Variants in SIM1 observed in about 807,000 individuals in gnomAD.
SIM1 encodes the protein single-minded homolog 1.
A neutral mutation model predicts 78.2 loss-of-function variants in SIM1; 18 were observed. That is an observed-to-expected ratio of 0.23 (90% CI 0.16 to 0.34). The LOEUF (loss-of-function observed/expected upper bound fraction) is 0.34. SIM1 is among the 10% of genes least tolerant of loss of function. The pLI is 1.00. For missense variants in SIM1, 939 were observed against 975.1 expected, an observed-to-expected ratio of 0.96 and a Z score of 0.49; for synonymous variants, 417 against 385.2, an observed-to-expected ratio of 1.08 and a Z score of -0.97.
chr6:100,415,120 C>T (rs749775127), intron 10 of SIM1, among the ~76,000 whole-genome samples: 4 of 152,236 alleles, frequency 2.6e-5, no homozygotes, highest in Middle Eastern at 3.4e-3. Context: ...CAGGATGGCA[C>T]GCACTTTCTG....
chr6:100,462,454 A>AT (rs1425227506), intron 2 of SIM1: 4 of 152,264 alleles, frequency 2.6e-5, no homozygotes, highest in Admixed American at 1.3e-4. Flanking sequence ...ACAGTGTTCT[A>AT]TGAAAGCTGC....
At chr6:100,453,681 C>G in intron 3 of SIM1, 81 bp downstream of exon 3, 8 of 898,152 alleles carry the variant, frequency 8.9e-6, no homozygotes, top group East Asian at 3.0e-5. Context: ...TTTTTGTTTT[C>G]TGAGAAACTA....
At position 100,453,844 on chromosome 6, in the gene SIM1, C is replaced by A; in HGVS notation, c.176G>T (p.Gly59Val). ...YLKMRVVFPE[G>V]LGEAWGHSSR... ...TGAGTGGCCCCACGCCTCGCCGAGC[C>A]CTGTGGAGACACAGAAGCATCCTGT... The change falls in exon 3 of 12, where the codon GGG (glycine) becomes GTG (valine). Residue 59 changes from glycine (G) to valine (V), a missense_variant and splice_region_variant. Around this residue, in one of 5 missense-constraint regions of SIM1, gnomAD observed 121 missense variants for 124.6 expected, o/e 0.97. Transcript: ENST00000369208. 1 of 1,609,046 alleles carries A rather than the reference C, an allele frequency of 6.2e-7. No homozygotes were observed. Among genetic ancestry groups the A allele is most frequent in the Non-Finnish European group, 8.5e-7 (1 of 1,177,910 alleles).
chr6:100,456,652 A>G (rs1224637246), intron 2 of SIM1, among the ~76,000 whole-genome samples: 3 of 152,238 alleles, frequency 2.0e-5, no homozygotes, highest in Non-Finnish European at 4.4e-5. Context: ...CATTAACCTT[A>G]GCTGATAAAT....
intron 2 of SIM1, among the ~76,000 whole-genome samples, chr6:100,455,917 T>C (rs1562258543): frequency 6.6e-6 from 1 of 152,202 alleles, no homozygotes; most frequent in Non-Finnish European, 1.5e-5. Flanking sequence ...GGCGCCAGCC[T>C]AGGCCATTTG....
chr6:100,440,195 C>T (rs910483418), intron 9 of SIM1, among the ~76,000 whole-genome samples: 3 of 152,142 alleles, frequency 2.0e-5, no homozygotes, highest in African/African-American at 4.8e-5. Context: ...ATTTAATCCT[C>T]CATAAATCCC....
rs866099531 is a variant in SIM1 at position 100,412,558 on chromosome 6, A to G, written c.1167+8232T>C. ...TCTAAGAAAGAAAGAAAGAAAGAAA[A>G]GAAAGAAAGAAAGAAAGAAAGAAAG... On this transcript the variant is annotated intron_variant, in intron 10 of 11. Coordinates refer to ENST00000369208, the MANE Select transcript of SIM1 (RefSeq NM_005068.3). Among the ~76,000 whole-genome samples, 13 of 27,408 alleles carry G rather than the reference A, an allele frequency of 4.7e-4. 3 individuals carry two copies. The highest frequency in any genetic ancestry group is 3.0e-3 in the East Asian group (2 of 658). The allele number at this position is 27,408 out of a possible 152,430, so 18.0% of individuals were successfully genotyped here.
chr6:100,458,013 TCTCTCTCTCTCTCTCTCTCTCTCTCTC>T (rs1772722347), intron 2 of SIM1, among the ~76,000 whole-genome samples: 2 of 12,408 alleles, frequency 1.6e-4, no homozygotes, highest in East Asian at 9.0e-4. Flanking sequence ...TCTTTCTCTC[TCTCTCTCTCTCTCTCTCTCTCTCTCTC>T]TCTCTCTCTC....
chr6:100,450,486 A>C (rs1311544018), intron 3 of SIM1, 130 bp from the exon 4 acceptor site: 5 of 747,494 alleles, frequency 6.7e-6, no homozygotes, highest in Non-Finnish European at 1.1e-5. Context: ...TTGGCAGGAA[A>C]CAGGGCATAG....
chr6:100,434,772 C>G (rs1195042422), intron 9 of SIM1, among the ~76,000 whole-genome samples: 1 of 152,142 alleles, frequency 6.6e-6, no homozygotes, highest in Non-Finnish European at 1.5e-5. Flanking sequence ...TTAATGGGTA[C>G]CATTATGATA....
Position 100,393,608 on chromosome 6 carries a change from C to T in SIM1, c.1449G>A (p.Gln483=), listed in dbSNP as rs781034411. The part of the protein sequence containing the change: ...EAGRYFLGTP[Q]AGREPWWGSR... ...AGCCCCACCAGGGCTCCCTCCCGGC[C>T]TGCGGCGTTCCCAGGAAGTACCTGC... The change falls in exon 11 of 12, where the codon CAG becomes CAA. Residue 483 remains glutamine, a synonymous_variant. Transcript: ENST00000369208. The T allele has an allele frequency of 6.8e-6, 11 of 1,614,136 alleles. No individual in the cohort carries two copies. The East Asian group carries it at 8.9e-5, about 13-fold the overall frequency.
intron 10 of SIM1, among the ~76,000 whole-genome samples, chr6:100,418,393 A>AAATAAATAAAATT (rs1771467584): frequency 1.3e-5 from 2 of 151,650 alleles, no homozygotes; most frequent in African/African-American, 4.8e-5. Flanking sequence ...TAAATAAAAT[A>AAATAAATAAAATT]AAAAATTAAA....
intron 8 of SIM1, 140 bp from the exon 9 acceptor site, chr6:100,447,555 G>A: frequency 2.2e-6 from 2 of 925,628 alleles, no homozygotes; most frequent in South Asian, 1.6e-5. Context: ...AGAGACGACA[G>A]GCAAATTCCC....
intron 10 of SIM1, 43 bp from the exon 11 acceptor site, chr6:100,393,932 C>T (rs1228661036): frequency 1.3e-6 from 2 of 1,508,204 alleles, no homozygotes; most frequent in South Asian, 1.3e-5. Context: ...AAAAATCAAT[C>T]GATCAGTAAG....
intron 10 of SIM1, among the ~76,000 whole-genome samples, chr6:100,396,392 T>C (rs3798514): frequency 0.12 from 17,709 of 152,002 alleles, 1,047 homozygotes; most frequent in Middle Eastern, 0.18. Flanking sequence ...TATGGGAAAG[T>C]GCTATTGGCG....
intron 9 of SIM1, among the ~76,000 whole-genome samples, chr6:100,440,362 AT>A (rs1772176747): frequency 6.6e-6 from 1 of 152,150 alleles, no homozygotes; most frequent in Admixed American, 6.5e-5. Flanking sequence ...TGTTTCACAG[AT>A]TGCTTGGAAA....
rs1770599085 is a variant in SIM1, at chr6:100,390,095, G to T, written c.*266C>A. 1 of 511,050 alleles carries T rather than the reference G, an allele frequency of 2.0e-6. No homozygotes were observed. The highest frequency in any genetic ancestry group is 1.9e-5 in the African/African-American group (1 of 52,050). 31.7% of individuals were successfully genotyped at this position (511,050 alleles called of 1,614,324 possible). ...GTATATATGCACACTTGATCTACAT[G>T]AATATTTTTCAAGTCAAAATTTATC... On this transcript the variant is annotated 3_prime_UTR_variant, in exon 12 of 12. Transcript: ENST00000369208.
rs141685162 is a variant in SIM1, at chr6:100,393,508, C to T, written c.1549G>A (p.Ala517Thr). ...EAYENSMPHI[A>T]SVHRIHGRGH... ...TTACCATGGATCCTGTGGACTGAAGCGATGTGAGGCATGCTGTTTTCATAG... is the reference window on the plus strand; with the variant it reads ...TTACCATGGATCCTGTGGACTGAAGTGATGTGAGGCATGCTGTTTTCATAG... Residue 517 changes from alanine (A) to threonine (T), a missense_variant, in exon 11 of 12, where the codon GCT becomes ACT. Physicochemically the swap from Ala to Thr is moderately conservative, Grantham distance 58 (BLOSUM62 0). Coordinates refer to ENST00000369208, the MANE Select transcript of SIM1 (RefSeq NM_005068.3). 3.2e-6 allele frequency: 5 copies of T among 1,549,050 alleles called. No homozygotes were observed. The African/African-American group carries it at 6.9e-5, about 21-fold the overall frequency.
rs746859910 is a variant in SIM1, at chr6:100,391,082, T to C, written c.1580A>G (p.His527Arg). The part of the protein sequence containing the change: ...ASVHRIHGRG[H>R]WDEDSVVSSP... ...ACTGACCACACTATCTTCATCCCAA[T>C]GACCTCGCCCTAAAAATTAGAAAAA... The change falls in exon 12 of 12, where the codon CAT (histidine) becomes CGT (arginine). Residue 527 changes from histidine (H) to arginine (R), a missense_variant. His to Arg is a conservative substitution (Grantham distance 29). Transcript: ENST00000369208. The C allele has an allele frequency of 6.3e-7, 1 of 1,578,468 alleles. No homozygotes were observed. Among genetic ancestry groups the C allele is most frequent in the East Asian group, 2.2e-5 (1 of 44,450 alleles).
Sources: gnomAD v4.1 joint callset for allele counts (sites outside exome capture counted in the v4.1 genomes callset) on GRCh38, gnomAD v4.1.1 for gene constraint, gnomAD v4.1.1 regional missense constraint, MANE v1.5 for transcripts, NCBI Gene and HGNC (gene_info 2026-07-23, HGNC 2026-07-21) for gene names.